The following FLI1 variants were observed in gnomAD, a reference collection of about 807,000 sequenced individuals.
The protein encoded by FLI1 is Fli-1 proto-oncogene, ETS transcription factor.
A neutral mutation model predicts 53.1 loss-of-function variants in FLI1; 13 were observed. The observed-to-expected ratio is 0.24, with a 90% CI of 0.16 to 0.39. FLI1 has a LOEUF of 0.39. Ranked by LOEUF, FLI1 falls within the 10% of genes least tolerant of loss-of-function variation. The pLI, the probability that FLI1 is intolerant of heterozygous loss-of-function variation, is 1.00. For missense variants in FLI1, 424 were observed against 600.5 expected (o/e 0.71, Z 3.07); for synonymous variants, 244 against 236.7 (o/e 1.03, Z -0.28).
chr11:128,775,731 G>A (rs547244169), intron 4 of FLI1, among the ~76,000 whole-genome samples: 7 of 152,334 alleles, frequency 4.6e-5, no homozygotes, highest in South Asian at 2.1e-4. Context: ...AGTTTGAGGC[G>A]ATGAGTCAAG....
rs925489884 is a variant in FLI1, at chr11:128,811,576, C to G, written c.*588C>G. The G allele has an allele frequency of 1.3e-5, 3 of 222,584 alleles. No individual in the cohort carries two copies. Among genetic ancestry groups the G allele is most frequent in the Admixed American group, 1.1e-4 (2 of 17,440 alleles). 13.8% of individuals were successfully genotyped at this position (222,584 alleles called of 1,614,324 possible). ...ACGCCAAGGGCATTGCAGAATCCCT[C>G]TCAGTGGACAGTATGCACTCAGCTG... On this transcript the variant is annotated 3_prime_UTR_variant, in exon 9 of 9. Transcript: ENST00000527786.
chr11:128,759,516 T>C (rs796252700), intron 2 of FLI1, among the ~76,000 whole-genome samples: 6 of 152,328 alleles, frequency 3.9e-5, no homozygotes, highest in African/African-American at 1.4e-4. Context: ...ATGATAGTGA[T>C]TTTGGAAAGT....
chr11:128,748,052 A>G (rs1399939245), intron 1 of FLI1, among the ~76,000 whole-genome samples: 1 of 152,192 alleles, frequency 6.6e-6, no homozygotes, highest in Non-Finnish European at 1.5e-5. Context: ...GGAGACCTGG[A>G]GCAGCACTGA....
chr11:128,690,018 C>A (rs1406382450), upstream of FLI1, among the ~76,000 whole-genome samples: 2 of 152,244 alleles, frequency 1.3e-5, no homozygotes, highest in African/African-American at 4.8e-5. Context: ...TCAAAGCAGG[C>A]GCGCCTGCAG....
chr11:128,773,022 C>T, intron 4 of FLI1, 37 bp downstream of exon 4: 1 of 1,591,366 alleles, frequency 6.3e-7, no homozygotes, highest in Non-Finnish European at 8.6e-7. Context: ...TGGGAGGAAG[C>T]TTGGCATGGA....
chr11:128,787,699 C>T (rs1310911681), intron 5 of FLI1, among the ~76,000 whole-genome samples: 1 of 151,948 alleles, frequency 6.6e-6, no homozygotes, highest in East Asian at 1.9e-4. Flanking sequence ...TTCTGACACA[C>T]CAATAAGTGC....
chr11:128,757,343 T>A (rs1009190311), intron 1 of FLI1, among the ~76,000 whole-genome samples: 1 of 151,980 alleles, frequency 6.6e-6, no homozygotes, highest in African/African-American at 2.4e-5. Context: ...TTTTGGAGGG[T>A]CTTGCCCTGA....
At chr11:128,713,401 A>G (rs1350372432) in intron 1 of FLI1, among the ~76,000 whole-genome samples, 1 of 152,226 alleles carries the variant, frequency 6.6e-6, no homozygotes, top group Non-Finnish European at 1.5e-5. Flanking sequence ...TGCATTGGGA[A>G]GAAGGTAAGG....
intron 1 of FLI1, among the ~76,000 whole-genome samples, chr11:128,706,675 C>T (rs1289326788): frequency 3.3e-5 from 5 of 152,190 alleles, no homozygotes; most frequent in East Asian, 1.9e-4. Context: ...TATCAAGGCT[C>T]ATTTAACCCA....
At chr11:128,725,559 C>G (rs1178637065) in intron 1 of FLI1, among the ~76,000 whole-genome samples, 1 of 152,168 alleles carries the variant, frequency 6.6e-6, no homozygotes, top group African/African-American at 2.4e-5. Context: ...CCAACTGAAG[C>G]CTGACTGCAA....
At chr11:128,776,387 C>T (rs1459648539) in intron 4 of FLI1, among the ~76,000 whole-genome samples, 1 of 152,186 alleles carries the variant, frequency 6.6e-6, no homozygotes, top group Non-Finnish European at 1.5e-5. Context: ...CCAGGGTTTA[C>T]ACCTGTCAAT....
At chr11:128,809,566 A>G (rs17551138) in intron 8 of FLI1, among the ~76,000 whole-genome samples, 4,457 of 152,372 alleles carry the variant, frequency 0.029, 72 homozygotes, top group Middle Eastern at 0.068. Context: ...CATGCCAGGC[A>G]CAAGTTCATA....
intron 1 of FLI1, among the ~76,000 whole-genome samples, chr11:128,698,903 G>A (rs1938204463): frequency 6.6e-6 from 1 of 152,106 alleles, no homozygotes; most frequent in Non-Finnish European, 1.5e-5. Context: ...TTTTTGGATA[G>A]AATTTTTATA....
At chr11:128,762,391 T>A (rs1453816281) in intron 2 of FLI1, among the ~76,000 whole-genome samples, 2 of 152,210 alleles carry the variant, frequency 1.3e-5, no homozygotes, top group Non-Finnish European at 1.5e-5. Context: ...AGACCTGTGC[T>A]GTTCAATGCA....
chr11:128,784,015 G>T (rs939937959), intron 5 of FLI1, among the ~76,000 whole-genome samples: 3 of 150,810 alleles, frequency 2.0e-5, no homozygotes, highest in African/African-American at 7.3e-5. Context: ...GGAAGGGAGG[G>T]ATGGGAGGAA....
intron 1 of FLI1, among the ~76,000 whole-genome samples, chr11:128,715,863 T>C (rs543839750): frequency 1.3e-5 from 2 of 152,330 alleles, no homozygotes; most frequent in East Asian, 3.9e-4. Context: ...TAATGACAAG[T>C]GGAACATTTC....
chr11:128,791,062 G>A (rs1942255179), intron 5 of FLI1, among the ~76,000 whole-genome samples: 1 of 152,082 alleles, frequency 6.6e-6, no homozygotes, highest in Non-Finnish European at 1.5e-5. Context: ...TAACCTGAGG[G>A]ACTGTGAGGT....
intron 1 of FLI1, among the ~76,000 whole-genome samples, chr11:128,731,624 T>A (rs1364001666): frequency 6.6e-6 from 1 of 152,140 alleles, no homozygotes; most frequent in Admixed American, 6.5e-5. Context: ...AAACCCAAAG[T>A]TCATAGCCAT....
At chr11:128,762,622 G>A (rs751356038) in intron 2 of FLI1, among the ~76,000 whole-genome samples, 1 of 152,070 alleles carries the variant, frequency 6.6e-6, no homozygotes, top group Non-Finnish European at 1.5e-5. Flanking sequence ...TCATTTCATC[G>A]TTTTGTTTTC....
Sources: allele counts gnomAD v4.1 joint callset (sites outside exome capture counted in the v4.1 genomes callset), GRCh38; gene constraint gnomAD v4.1.1; transcripts MANE v1.5; gene names NCBI Gene and HGNC (gene_info 2026-07-23, HGNC 2026-07-21).